RGS20: variants seen among roughly 807,000 people sequenced by gnomAD.
RGS20 encodes regulator of G protein signaling 20.
In RGS20, 30 loss-of-function variants were observed where a neutral mutation model predicts 33.6. The ratio of observed to expected loss-of-function variants is 0.89; its 90% CI spans 0.67 to 1.21. The LOEUF is 1.21. Among genes scored for constraint, RGS20 ranks in the 50% most tolerant of loss-of-function variants. The probability of loss-of-function intolerance (pLI) is 0.00; values close to 1 mark genes in which losing one functional copy is unlikely to be tolerated. For missense variants in RGS20, 472 were observed against 502.4 expected (o/e 0.94, Z 0.58); for synonymous variants, 208 against 197.9 (o/e 1.05, Z -0.43).
chr8:53,901,631 A>G (rs1201265478), intron 2 of RGS20, among the ~76,000 whole-genome samples: 1 of 152,228 alleles, frequency 6.6e-6, no homozygotes, highest in East Asian at 1.9e-4. Context: ...GCTGAAGGAA[A>G]TAAGCCAGAC....
At position 53,918,358 on chromosome 8, in the gene RGS20, T is replaced by A. The variant is rs143539844; in HGVS notation, c.511-21218T>A. 3.6e-4 allele frequency among the ~76,000 whole-genome samples: 54 copies of A among 151,876 alleles called. No individual in the cohort carries two copies. The East Asian group carries it at 9.9e-3, about 28-fold the overall frequency. Reference sequence around the variant, plus strand: ...ATGTAGCCTTTTGTGTCTGCCTTCGTTCACTTCACTTCACATATTTTCTTT... The same window carrying A: ...ATGTAGCCTTTTGTGTCTGCCTTCGATCACTTCACTTCACATATTTTCTTT... On this transcript the variant is annotated intron_variant, in intron 2 of 5. Transcript: ENST00000297313.
intron 1 of RGS20, among the ~76,000 whole-genome samples, chr8:53,856,741 CAA>C (rs565014957): frequency 6.6e-6 from 1 of 152,180 alleles, no homozygotes; most frequent in Non-Finnish European, 1.5e-5. Flanking sequence ...AGAGCTTAGA[CAA>C]GAGAGCTGTT....
At chr8:53,863,966 A>T (rs185161764) in intron 1 of RGS20, among the ~76,000 whole-genome samples, 1 of 151,904 alleles carries the variant, frequency 6.6e-6, no homozygotes, top group Non-Finnish European at 1.5e-5. Context: ...TGACCTCGTG[A>T]TCTGCCTTCC....
intron 1 of RGS20, among the ~76,000 whole-genome samples, chr8:53,864,038 A>G (rs915075421): frequency 1.3e-5 from 2 of 152,188 alleles, no homozygotes; most frequent in African/African-American, 4.8e-5. Context: ...AATCAAGACA[A>G]TAATACTTTT....
intron 1 of RGS20, among the ~76,000 whole-genome samples, chr8:53,873,021 T>C (rs1812114805): frequency 6.6e-6 from 1 of 152,122 alleles, no homozygotes; most frequent in South Asian, 2.1e-4. Flanking sequence ...TAGGAGGCGA[T>C]TGAGTCACGA....
rs186879520 is a variant in RGS20, at chr8:53,877,002, C to T, written c.166-2256C>T. Among the ~76,000 whole-genome samples the T allele has an allele frequency of 6.6e-6, 1 of 152,082 alleles. No homozygotes were observed. The highest frequency in any genetic ancestry group is 1.5e-5 in the Non-Finnish European group (1 of 68,010). On this transcript the variant is annotated intron_variant, in intron 1 of 5. Transcript: ENST00000297313. The surrounding 1 kb of genome is among the most constrained non-coding windows in gnomAD (Gnocchi z 5.7). ...AGTGACTTGGGAAGAAGGACTGGGG[C>T]GAAGGGAGAAAGGAGGTTACGAGTT...
chr8:53,857,934 C>T (rs1045016688), intron 1 of RGS20, among the ~76,000 whole-genome samples: 1 of 151,986 alleles, frequency 6.6e-6, no homozygotes, highest in African/African-American at 2.4e-5. Context: ...GATATGTTAG[C>T]TTTATTTAAG....
At chr8:53,947,786 TAC>T (rs1345287553) in intron 4 of RGS20, among the ~76,000 whole-genome samples, 7 of 134,114 alleles carry the variant, frequency 5.2e-5, no homozygotes, top group African/African-American at 1.8e-4. Context: ...ATATAGTATA[TAC>T]ATTTATATAT....
chr8:53,879,526 G>A lies in RGS20; in HGVS notation c.434G>A (p.Arg145His). The A allele has an allele frequency of 6.5e-7, 1 of 1,541,336 alleles. No individual in the cohort carries two copies. Among genetic ancestry groups the A allele is most frequent in the Admixed American group, 2.0e-5 (1 of 49,238 alleles). Residue 145 changes from arginine to histidine, a missense_variant, in exon 2 of 6, where the codon CGT becomes CAT. Physicochemically the swap from Arg to His is conservative, Grantham distance 29 (BLOSUM62 0). Around this residue, in one of 3 missense-constraint regions of RGS20, gnomAD observed 319 missense variants for 283.4 expected, o/e 1.13. Coordinates refer to ENST00000297313, the MANE Select transcript of RGS20 (RefSeq NM_170587.4). ...CTGCCCGGCCGACCCTCGGGGGGTC[G>A]TCCGCTGAGGCCCCCCCATCCGGTA...
chr8:53,924,289 A>T (rs1192088148), intron 2 of RGS20, among the ~76,000 whole-genome samples: 4 of 152,024 alleles, frequency 2.6e-5, no homozygotes, highest in Non-Finnish European at 5.9e-5. Context: ...TCCCGGGTTC[A>T]AGAGATTCTC....
chr8:53,947,381 ATTTATATATGCTATATATAAGATATAG>A (rs1294154545), intron 4 of RGS20, among the ~76,000 whole-genome samples: 22 of 113,700 alleles, frequency 1.9e-4, no homozygotes, highest in East Asian at 7.8e-4. Flanking sequence ...GATATAGTAT[ATTTATATATGCTATATATAAGATATAG>A]TACATTTATA....
chr8:53,938,372 G>A (rs1814195308), intron 2 of RGS20, among the ~76,000 whole-genome samples: 1 of 152,140 alleles, frequency 6.6e-6, no homozygotes, highest in Admixed American at 6.5e-5. Context: ...ATCACACACT[G>A]GGGCCTGTCA....
intron 4 of RGS20, among the ~76,000 whole-genome samples, chr8:53,947,154 A>G (rs1814510208): frequency 6.9e-6 from 1 of 145,218 alleles, no homozygotes; most frequent in South Asian, 2.1e-4. Flanking sequence ...GATATAGTAT[A>G]TATATTTATA....
At chr8:53,957,314 G>C (rs1469820751) in intron 5 of RGS20, among the ~76,000 whole-genome samples, 1 of 152,110 alleles carries the variant, frequency 6.6e-6, no homozygotes, top group Non-Finnish European at 1.5e-5. Context: ...TTTTAGTAGA[G>C]ATGGGGTTTT....
At chr8:53,876,837 G>A (rs1005427054) in intron 1 of RGS20, among the ~76,000 whole-genome samples, 4 of 152,202 alleles carry the variant, frequency 2.6e-5, no homozygotes, top group African/African-American at 4.8e-5. Context: ...GCCGAGTCTT[G>A]TTTTTCTTGG....
intron 1 of RGS20, among the ~76,000 whole-genome samples, chr8:53,875,429 CAAAA>C (rs755991643): frequency 1.3e-4 from 7 of 55,710 alleles, no homozygotes; most frequent in African/African-American, 2.5e-4. Context: ...AAGACTCTGT[CAAAA>C]AAAAAAAAAA....
chr8:53,864,543 T>A (rs1811880765), intron 1 of RGS20, among the ~76,000 whole-genome samples: 1 of 152,006 alleles, frequency 6.6e-6, no homozygotes, highest in Non-Finnish European at 1.5e-5. Flanking sequence ...CCCCTTGGAA[T>A]CCTATGGGCT....
intron 3 of RGS20, among the ~76,000 whole-genome samples, chr8:53,944,177 T>C (rs1035799628): frequency 4.6e-5 from 7 of 152,230 alleles, no homozygotes; most frequent in African/African-American, 1.4e-4. Context: ...TTCATGTTGA[T>C]GGGATGCTGA....
At chr8:53,878,778 C>T (rs1191494933) in intron 1 of RGS20, among the ~76,000 whole-genome samples, 1 of 152,120 alleles carries the variant, frequency 6.6e-6, no homozygotes, top group Non-Finnish European at 1.5e-5. Context: ...GAGCCCTGGG[C>T]ACTTAGGGAG....
Sources: gnomAD v4.1 joint callset for allele counts (sites outside exome capture counted in the v4.1 genomes callset) on GRCh38, gnomAD v4.1.1 for gene constraint, gnomAD v4.1.1 regional missense constraint, Gnocchi (gnomAD v3.1) non-coding constraint, MANE v1.5 for transcripts, NCBI Gene and HGNC (gene_info 2026-07-23, HGNC 2026-07-21) for gene names.